Variants in CCDC57 observed in about 807,000 individuals in gnomAD.
CCDC57 encodes coiled-coil domain containing 57, also known as coiled-coil domain-containing protein 57.
In CCDC57, 118 loss-of-function variants were observed where a neutral mutation model predicts 118.9. That is an observed-to-expected ratio of 0.99 (90% CI 0.86 to 1.16). The LOEUF (loss-of-function observed/expected upper bound fraction) is 1.16. Among genes scored for constraint, CCDC57 ranks in the 50% most tolerant of loss-of-function variants. CCDC57 has a pLI of 0.00. For synonymous variants in CCDC57, 527 were observed against 532.9 expected (o/e 0.99, Z 0.15); for missense variants, 1,300 against 1,320.7 (o/e 0.98, Z 0.24).
intron 13 of CCDC57, among the ~76,000 whole-genome samples, chr17:82,170,260 A>T (rs1057349100): frequency 1.3e-5 from 2 of 152,164 alleles, no homozygotes; most frequent in African/African-American, 4.8e-5. Context: ...CTGTCATCCC[A>T]GCACTTTGGG....
exon 3 of CCDC57, chr17:82,201,691 T>C (rs766940237): frequency 1.9e-6 from 3 of 1,613,466 alleles, no homozygotes; most frequent in Non-Finnish European, 2.5e-6. Flanking sequence ...CCTGGCCTCT[T>C]CCCACTCCCT....
chr17:82,206,696 A>C (rs546904704), intron 2 of CCDC57, among the ~76,000 whole-genome samples: 2 of 152,266 alleles, frequency 1.3e-5, no homozygotes, highest in South Asian at 4.1e-4. Flanking sequence ...CACCCCAGCA[A>C]ATCAATCGAA....
chr17:82,128,386 GCATGCAGA>G (rs369229276), intron 18 of CCDC57, 99 bp downstream of exon 17: 1 of 707,214 alleles, frequency 1.4e-6, no homozygotes. Context: ...ACAAAGGCAG[GCATGCAGA>G]GCGAAGGCCC....
rs371082806 is a variant in CCDC57, at chr17:82,115,885, C to T, written c.2899+11807G>A. ...AGATCTTGACTCACTGTAACCTCCA[C>T]CCTCCGAGTTCAAGCGATTCTCCTG... On this transcript the variant is annotated intron_variant, in intron 19 of 19. Coordinates refer to ENST00000665763, the Ensembl canonical transcript of CCDC57. Among the ~76,000 whole-genome samples, 7 of 149,564 alleles carry T rather than the reference C, an allele frequency of 4.7e-5. No individual in the cohort carries two copies. The East Asian group carries it at 1.0e-3, about 21-fold the overall frequency.
At chr17:82,181,188 C>T (rs541550480) in intron 9 of CCDC57, among the ~76,000 whole-genome samples, 9 of 152,352 alleles carry the variant, frequency 5.9e-5, no homozygotes, top group African/African-American at 1.7e-4. Flanking sequence ...CTGTGGCTGA[C>T]AGCCACATGC....
intron 7 of CCDC57, 44 bp from the exon 7 acceptor site, chr17:82,188,463 C>A: frequency 1.3e-6 from 2 of 1,570,418 alleles, no homozygotes; most frequent in Non-Finnish European, 1.7e-6. Flanking sequence ...CAGCCCCCAA[C>A]ACCCAGGCCC....
At chr17:82,189,288 A>G (rs1008447617) in intron 7 of CCDC57, among the ~76,000 whole-genome samples, 2 of 146,322 alleles carry the variant, frequency 1.4e-5, no homozygotes, top group Non-Finnish European at 3.0e-5. Context: ...CACATTAGCA[A>G]CAGTATTAAA....
At chr17:82,170,454 G>A (rs1405634661) in intron 13 of CCDC57, among the ~76,000 whole-genome samples, 1 of 145,938 alleles carries the variant, frequency 6.9e-6, no homozygotes, top group African/African-American at 2.6e-5. Flanking sequence ...GCTGCAATGA[G>A]CCAAAATCAT....
chr17:82,134,338 C>T (rs1448733759), intron 16 of CCDC57, 144 bp from the exon 16 acceptor site: 33 of 727,290 alleles, frequency 4.5e-5, no homozygotes, highest in South Asian at 6.9e-5. Flanking sequence ...TGGGGAGGGC[C>T]GGACAACAGT....
At chr17:82,205,692 C>A (rs889037895) in intron 2 of CCDC57, among the ~76,000 whole-genome samples, 4 of 152,218 alleles carry the variant, frequency 2.6e-5, no homozygotes, top group African/African-American at 9.6e-5. Flanking sequence ...GCACGTACCA[C>A]CCCCTCTATG....
intron 15 of CCDC57, chr17:82,154,864 C>T (rs965533299): frequency 1.3e-5 from 2 of 152,456 alleles, no homozygotes; most frequent in African/African-American, 4.8e-5. Context: ...TGTGCAGGGT[C>T]CAGGGTCCCA....
chr17:82,193,881 A>C, intron 6 of CCDC57, 51 bp from the exon 6 acceptor site: 1 of 1,568,688 alleles, frequency 6.4e-7, no homozygotes, highest in Non-Finnish European at 8.7e-7. Flanking sequence ...GAAAGCAAAG[A>C]CCAGCCTGGA....
intron 19 of CCDC57, among the ~76,000 whole-genome samples, chr17:82,120,085 A>G (rs2036466568): frequency 6.6e-6 from 1 of 152,138 alleles, no homozygotes; most frequent in African/African-American, 2.4e-5. Context: ...GTGACTAAAC[A>G]CCATATCCTA....
In CCDC57 at chr17:82,184,029, GCGCACACACACACACACACACACACACA is replaced by G. The variant is rs1196390054; in HGVS notation, c.1053-125_1053-98del. The G allele has an allele frequency of 9.7e-4, 232 of 238,924 alleles. 5 individuals are homozygous for G. The highest frequency in any genetic ancestry group is 2.2e-3 in the Middle Eastern group (3 of 1,374). 14.8% of individuals were successfully genotyped at this position (238,924 alleles called of 1,614,324 possible). ...AGCAAATACACATGCGCGCGCGCGCGCGCACACACACACACACACACACACACACACACACACACACACACACACACAC... is the reference window on the plus strand; with the variant it reads ...AGCAAATACACATGCGCGCGCGCGCGCACACACACACACACACACACACAC... On this transcript the variant is annotated intron_variant, in intron 8 of 19. Transcript: ENST00000665763.
At chr17:82,151,808 G>A in intron 15 of CCDC57, 35 bp from the exon 15 acceptor site, 2 of 1,537,300 alleles carry the variant, frequency 1.3e-6, no homozygotes, top group Non-Finnish European at 1.8e-6. Context: ...ACCCCTGTGA[G>A]GCTGCCCTCA....
chr17:82,119,835 G>T (rs907963314), intron 19 of CCDC57, among the ~76,000 whole-genome samples: 1 of 152,144 alleles, frequency 6.6e-6, no homozygotes, highest in Non-Finnish European at 1.5e-5. Context: ...AAAAACGCAG[G>T]TGAGAGAGGA....
At chr17:82,178,391 C>T in intron 11 of CCDC57, 83 bp downstream of exon 10, 1 of 1,470,768 alleles carries the variant, frequency 6.8e-7, no homozygotes, top group Non-Finnish European at 9.1e-7. Flanking sequence ...TAGCTCCAGT[C>T]TTGGTAGGAT....
At chr17:82,178,594 C>T (rs2045815415) in exon 11 of CCDC57, 2 of 1,612,228 alleles carry the variant, frequency 1.2e-6, no homozygotes, top group South Asian at 2.2e-5. Flanking sequence ...TCTCCTGCAG[C>T]TTGGCAGCAA....
chr17:82,177,308 G>A (rs1362245338), intron 11 of CCDC57, among the ~76,000 whole-genome samples: 3 of 152,108 alleles, frequency 2.0e-5, no homozygotes, highest in South Asian at 2.1e-4. Flanking sequence ...CCTGGGAGGC[G>A]GAGGGTGCGG....
Sources: gnomAD v4.1 joint callset for allele counts (sites outside exome capture counted in the v4.1 genomes callset) on GRCh38, gnomAD v4.1.1 for gene constraint, MANE v1.5 for transcripts, NCBI Gene and HGNC (gene_info 2026-07-23, HGNC 2026-07-21) for gene names.